Variants in INTS4 observed in about 807,000 individuals in gnomAD.
INTS4 encodes MSTP093.
A neutral mutation model predicts 119.5 loss-of-function variants in INTS4; 70 were observed. The ratio of observed to expected loss-of-function variants is 0.59; its 90% CI spans 0.48 to 0.71. The LOEUF is 0.71. Among genes scored for constraint, INTS4 ranks in the 30% least tolerant of loss-of-function variants. The pLI is 0.00. For synonymous variants in INTS4, 316 were observed against 419.6 expected (o/e 0.75, Z 3.02); for missense variants, 867 against 1,173.2 (o/e 0.74, Z 3.81).
In INTS4 at chr11:77,979,076, G is replaced by A. The variant is rs554021003; in HGVS notation, c.391C>T (p.Leu131=). Residue 131 remains leucine (L), a synonymous_variant, in exon 4 of 23, where the codon CTG becomes TTG. Coordinates refer to ENST00000534064, the MANE Select transcript of INTS4 (RefSeq NM_033547.4). Reference sequence around the variant, plus strand: ...GTGCCAATTGCAAGCAAAGTATCCAGCAGTTGAGCTAGGACTTGATGAGAC... The same window carrying A: ...GTGCCAATTGCAAGCAAAGTATCCAACAGTTGAGCTAGGACTTGATGAGAC... The part of the protein sequence containing the change: ...EKSHQVLAQL[L]DTLLAIGTKL... The A allele has an allele frequency of 3.7e-4, 597 of 1,612,232 alleles. 11 individuals carry two copies. The South Asian group carries it at 5.7e-3, about 15-fold the overall frequency.
rs185198544 is a variant in INTS4 at position 77,923,007 on chromosome 11, G to A, written c.1515-536C>T. Among the ~76,000 whole-genome samples the A allele has an allele frequency of 3.9e-5, 6 of 152,250 alleles. No individual in the cohort carries two copies. In the East Asian group the frequency reaches 1.2e-3, roughly 29 times the overall value. ...CTGTCTTGAGATATTATCTTATGAG[G>A]CAGCCATCTTACAACTATGAGAAGA... On this transcript the variant is annotated intron_variant, in intron 12 of 22. Coordinates refer to ENST00000534064, the MANE Select transcript of INTS4 (RefSeq NM_033547.4).
At chr11:77,941,069 T>G (rs1328434086) in intron 9 of INTS4, 111 bp downstream of exon 9, 6 of 1,416,516 alleles carry the variant, frequency 4.2e-6, no homozygotes, top group African/African-American at 2.9e-5. Flanking sequence ...TGTAATACAG[T>G]TATCATGTTA....
chr11:77,994,172 A>G (rs1374907086), intron 1 of INTS4, among the ~76,000 whole-genome samples: 1 of 151,658 alleles, frequency 6.6e-6, no homozygotes, highest in Non-Finnish European at 1.5e-5. Context: ...GGTCCCTGGG[A>G]GGTTTTTTTT....
intron 2 of INTS4, among the ~76,000 whole-genome samples, chr11:77,985,762 TCTA>T: frequency 6.6e-6 from 1 of 152,272 alleles, no homozygotes; most frequent in East Asian, 1.9e-4. Context: ...GCACTTACTA[TCTA>T]CATACTACAT....
chr11:77,934,315 T>C (rs1223361968), intron 10 of INTS4, among the ~76,000 whole-genome samples: 1 of 151,230 alleles, frequency 6.6e-6, no homozygotes, highest in Non-Finnish European at 1.5e-5. Context: ...GCTTATCTGC[T>C]GACCTTCCCT....
At position 77,961,133 on chromosome 11, in the gene INTS4, C is replaced by G. The variant is rs142032963; in HGVS notation, c.477G>C (p.Leu159=). The G allele has an allele frequency of 3.3e-5, 42 of 1,289,834 alleles. No homozygotes were observed. In the African/African-American group the frequency reaches 6.1e-4, roughly 19 times the overall value. 79.9% of individuals were successfully genotyped at this position (1,289,834 alleles called of 1,614,324 possible). A position where few individuals can be genotyped will look rare whatever the true frequency, so the allele number is the denominator to read the frequency against. Residue 159 remains leucine (L), a synonymous_variant, in exon 5 of 23, where the codon CTG becomes CTC. Transcript: ENST00000534064. Reference sequence around the variant, plus strand: ...TTCTTACACCATGAGACGTATCTGTCAGATGCTATTAAAAAAAAAAAAAAA... The same window carrying G: ...TTCTTACACCATGAGACGTATCTGTGAGATGCTATTAAAAAAAAAAAAAAA... The part of the protein sequence containing the change: ...MRLVDVACKH[L]TDTSHGVRNK...
At chr11:77,944,009 C>T (rs1953990323) in intron 8 of INTS4, among the ~76,000 whole-genome samples, 1 of 152,198 alleles carries the variant, frequency 6.6e-6, no homozygotes, top group Non-Finnish European at 1.5e-5. Flanking sequence ...AGGTCAATGA[C>T]TTCTTAAGGC....
At chr11:77,878,279 T>G (rs201822048), downstream of INTS4, among the ~76,000 whole-genome samples, 181 of 151,938 alleles carry the variant, frequency 1.2e-3, no homozygotes, top group South Asian at 1.7e-3. Flanking sequence ...GGAGAATGGC[T>G]TGAACCCAGG....
chr11:77,883,100 A>AATG (rs1951856822), intron 22 of INTS4, among the ~76,000 whole-genome samples: 1 of 151,388 alleles, frequency 6.6e-6, no homozygotes, highest in Non-Finnish European at 1.5e-5. Flanking sequence ...TAATAATAAT[A>AATG]GCCTTATAAT....
At chr11:77,883,753 C>T (rs756798389) in intron 22 of INTS4, 79 bp downstream of exon 22, 5 of 1,485,072 alleles carry the variant, frequency 3.4e-6, no homozygotes, top group Non-Finnish European at 4.6e-6. Context: ...TTTTTTCAAA[C>T]TTTAAAAACC....
chr11:77,937,066 T>C (rs1253804493), intron 10 of INTS4, among the ~76,000 whole-genome samples: 1 of 151,774 alleles, frequency 6.6e-6, no homozygotes, highest in African/African-American at 2.4e-5. Context: ...TCCCAGCTAC[T>C]CGGGAAGCTG....
intron 2 of INTS4, among the ~76,000 whole-genome samples, chr11:77,988,200 T>C (rs1239953731): frequency 6.6e-6 from 1 of 152,228 alleles, no homozygotes; most frequent in Non-Finnish European, 1.5e-5. Flanking sequence ...CTGCAGCCTC[T>C]GAATTTACGG....
At chr11:77,930,405 A>T (rs937871769) in intron 10 of INTS4, among the ~76,000 whole-genome samples, 107 of 152,322 alleles carry the variant, frequency 7.0e-4, no homozygotes, top group African/African-American at 2.4e-3. Flanking sequence ...ATATAATTTA[A>T]ACATGAAATT....
Position 77,885,832 on chromosome 11 carries a change from G to A in INTS4, c.2593-1880C>T, listed in dbSNP as rs1486946511. On this transcript the variant is annotated intron_variant, in intron 21 of 22. Transcript: ENST00000534064. The stretch of plus-strand genomic sequence containing the variant: ...GAGATTCTGTCTCAAAAAAAAGAAA[G>A]AAAGAAAGAAAAAGAAGGGCAGAGG... 2.0e-5 allele frequency among the ~76,000 whole-genome samples: 3 copies of A among 151,142 alleles called. No homozygotes were observed. The East Asian group carries it at 5.9e-4, about 30-fold the overall frequency.
chr11:77,963,213 T>C (rs762603758), intron 4 of INTS4, among the ~76,000 whole-genome samples: 4 of 152,164 alleles, frequency 2.6e-5, no homozygotes, highest in Admixed American at 2.6e-4. Context: ...CACTGAATCT[T>C]AGCCCAAAAG....
At chr11:77,895,709 C>T (rs1403769991) in intron 18 of INTS4, among the ~76,000 whole-genome samples, 1 of 151,932 alleles carries the variant, frequency 6.6e-6, no homozygotes, top group African/African-American at 2.4e-5. Flanking sequence ...TTTGGCCAAG[C>T]AGTGACATTT....
At chr11:77,976,277 T>C (rs1259606973) in intron 4 of INTS4, among the ~76,000 whole-genome samples, 1 of 152,162 alleles carries the variant, frequency 6.6e-6, no homozygotes, top group Non-Finnish European at 1.5e-5. Context: ...TGGAAAGCAA[T>C]TTGACAAAAA....
intron 22 of INTS4, among the ~76,000 whole-genome samples, chr11:77,879,415 T>C (rs541035467): frequency 6.6e-6 from 1 of 152,244 alleles, no homozygotes; most frequent in Non-Finnish European, 1.5e-5. Context: ...ATCTGCTTTA[T>C]GAACTGGGCT....
chr11:77,928,627 C>G (rs1953569739), intron 10 of INTS4, 80 bp from the exon 11 acceptor site: 1 of 1,523,342 alleles, frequency 6.6e-7, no homozygotes, highest in Non-Finnish European at 8.8e-7. Flanking sequence ...TTTGGGAGGC[C>G]AAGGGAGGCA....
Sources: allele counts gnomAD v4.1 joint callset (sites outside exome capture counted in the v4.1 genomes callset), GRCh38; gene constraint gnomAD v4.1.1; transcripts MANE v1.5; gene names NCBI Gene and HGNC (gene_info 2026-07-23, HGNC 2026-07-21).